Variants in SGSM1 observed in about 807,000 individuals in gnomAD.
SGSM1 encodes small G protein signaling modulator 1.
In SGSM1, 73 loss-of-function variants were observed where a neutral mutation model predicts 133.8. The ratio of observed to expected loss-of-function variants is 0.55; its 90% CI spans 0.45 to 0.66. The LOEUF is 0.66. SGSM1 is among the 30% of genes least tolerant of loss of function. The pLI, the probability that SGSM1 is intolerant of heterozygous loss-of-function variation, is 0.00. For missense variants in SGSM1, 1,213 were observed against 1,448.1 expected, an observed-to-expected ratio of 0.84 and a Z score of 2.64; for synonymous variants, 563 against 573.0, an observed-to-expected ratio of 0.98 and a Z score of 0.25.
At position 24,924,482 on chromosome 22, in the gene SGSM1, C is replaced by T; in HGVS notation, c.*208C>T. The stretch of plus-strand genomic sequence containing the variant: ...CCCCTTCAATTCAGCCTTACATTTT[C>T]CTGTTTGACCAAAGATTGCCCAAGT... On this transcript the variant is annotated 3_prime_UTR_variant, in exon 25 of 25. Coordinates refer to ENST00000400358, the MANE Select transcript of SGSM1 (RefSeq NM_001098497.3). The T allele has an allele frequency of 1.8e-6, 1 of 553,454 alleles. No homozygotes were observed. The highest frequency in any genetic ancestry group is 4.9e-4 in the Middle Eastern group (1 of 2,052). 34.3% of individuals were successfully genotyped at this position (553,454 alleles called of 1,614,324 possible).
intron 16 of SGSM1, among the ~76,000 whole-genome samples, chr22:24,887,341 A>G (rs1474899765): frequency 6.6e-6 from 1 of 152,206 alleles, no homozygotes; most frequent in Admixed American, 6.6e-5. Context: ...AGAATGTTAT[A>G]TAAATGGAAT....
chr22:24,913,679 A>G (rs989880887), intron 22 of SGSM1, among the ~76,000 whole-genome samples: 3 of 152,212 alleles, frequency 2.0e-5, no homozygotes, highest in Admixed American at 2.0e-4. Context: ...TAAAAGAGTA[A>G]TATAATGAAC....
rs542781094 is a variant in SGSM1, at chr22:24,871,002, T to G, written c.1291+2147T>G. On this transcript the variant is annotated intron_variant, in intron 12 of 24. Coordinates refer to ENST00000400358, the MANE Select transcript of SGSM1 (RefSeq NM_001098497.3). Reference sequence around the variant, plus strand: ...TTGTACTTGGATCCTTGTCTGCCCTTGAGGAAACTCCCAACTAATTCAGTT... The same window carrying G: ...TTGTACTTGGATCCTTGTCTGCCCTGGAGGAAACTCCCAACTAATTCAGTT... Among the ~76,000 whole-genome samples, 27 of 152,342 alleles carry G rather than the reference T, an allele frequency of 1.8e-4. No individual in the cohort carries two copies. The South Asian group carries it at 5.6e-3, about 32-fold the overall frequency.
intron 2 of SGSM1, among the ~76,000 whole-genome samples, chr22:24,825,075 G>A (rs978686599): frequency 3.3e-5 from 5 of 152,198 alleles, no homozygotes; most frequent in Admixed American, 3.3e-4. Flanking sequence ...CTTAGGGGAT[G>A]GGGAGTCCAG....
At chr22:24,876,780 A>T in intron 13 of SGSM1, 65 bp downstream of exon 13, 1 of 1,601,502 alleles carries the variant, frequency 6.2e-7, no homozygotes, top group African/African-American at 1.3e-5. Context: ...GTAGATGCCC[A>T]TGTCTTACCC....
Position 24,838,681 on chromosome 22 carries a change from A to G in SGSM1, c.64-6216A>G, listed in dbSNP as rs1017930958. ...CCCTTGACAAAAATCATTTGATTAT[A>G]TATGTGAGGTTTTAGTTCTGGGCTC... On this transcript the variant is annotated intron_variant, in intron 2 of 24. Coordinates refer to ENST00000400358, the MANE Select transcript of SGSM1 (RefSeq NM_001098497.3). Among the ~76,000 whole-genome samples the G allele has an allele frequency of 3.3e-5, 5 of 152,056 alleles. No individual in the cohort carries two copies. The South Asian group carries it at 6.2e-4, about 19-fold the overall frequency.
chr22:24,850,565 C>G, intron 5 of SGSM1, 133 bp downstream of exon 5: 3 of 1,276,684 alleles, frequency 2.3e-6, no homozygotes, highest in Non-Finnish European at 3.2e-6. Flanking sequence ...TGATTAAATG[C>G]TTGGAAACTT....
chr22:24,855,283 A>G lies in SGSM1; in HGVS notation c.524-2A>G, dbSNP rs2147852599. The G allele has an allele frequency of 1.2e-6, 2 of 1,609,392 alleles. No individual in the cohort carries two copies. Among genetic ancestry groups the G allele is most frequent in the South Asian group, 1.1e-5 (1 of 90,134 alleles). ...GGTTTCCAGCCCCCACATGCCCCTC[A>G]GTGGGGCCCTGTGCCCTAGAGTACA... is the stretch of plus-strand genomic sequence containing the variant. On this transcript the variant is annotated splice_acceptor_variant, in intron 6 of 24. Coordinates refer to ENST00000400358, the MANE Select transcript of SGSM1 (RefSeq NM_001098497.3). LOFTEE classifies it high-confidence loss of function.
rs941122226 is a variant in SGSM1, at chr22:24,895,713, A to G, written c.2022+422A>G. 3.9e-5 allele frequency among the ~76,000 whole-genome samples: 6 copies of G among 152,288 alleles called. No individual in the cohort carries two copies. In the Middle Eastern group the frequency reaches 0.01, roughly 259 times the overall value. On this transcript the variant is annotated intron_variant, in intron 18 of 24. Coordinates refer to ENST00000400358, the MANE Select transcript of SGSM1 (RefSeq NM_001098497.3). ...TGTTGTTCAACAACTTTCCGTTTCA[A>G]TTGGTGAAAAGAGATAACTCAATCT...
At chr22:24,849,826 G>A (rs1930354074) in intron 4 of SGSM1, among the ~76,000 whole-genome samples, 2 of 152,204 alleles carry the variant, frequency 1.3e-5, no homozygotes, top group African/African-American at 4.8e-5. Flanking sequence ...GGTGGCCTCA[G>A]GCATCTGCAC....
intron 24 of SGSM1, among the ~76,000 whole-genome samples, chr22:24,923,881 C>G (rs2123757211): frequency 6.6e-6 from 1 of 152,204 alleles, no homozygotes; most frequent in East Asian, 1.9e-4. Context: ...CTCGGCCTCC[C>G]AAGGTGCTGG....
chr22:24,830,484 C>T (rs1448300300), intron 2 of SGSM1, among the ~76,000 whole-genome samples: 2 of 152,158 alleles, frequency 1.3e-5, no homozygotes, highest in East Asian at 3.9e-4. Context: ...TGTGTGAATA[C>T]TGTCATGGGG....
intron 16 of SGSM1, among the ~76,000 whole-genome samples, chr22:24,887,811 G>C (rs4603887): frequency 0.15 from 22,504 of 152,180 alleles, 1,817 homozygotes; most frequent in South Asian, 0.3. Context: ...ATCATTTTCT[G>C]TGTCCACCAG....
At chr22:24,888,584 A>G (rs951418086) in intron 16 of SGSM1, among the ~76,000 whole-genome samples, 1 of 152,150 alleles carries the variant, frequency 6.6e-6, no homozygotes, top group African/African-American at 2.4e-5. Context: ...CCTGACCAAC[A>G]TAGCAAAACC....
At chr22:24,855,873 C>CCATA in intron 8 of SGSM1, 193 bp downstream of exon 8, 1 of 823,108 alleles carries the variant, frequency 1.2e-6, no homozygotes, top group Non-Finnish European at 2.0e-6. Flanking sequence ...ATCCATCCAT[C>CCATA]CACCCATTGT....
chr22:24,907,558 G>A (rs553218877), intron 21 of SGSM1, among the ~76,000 whole-genome samples: 2 of 151,228 alleles, frequency 1.3e-5, no homozygotes, highest in Non-Finnish European at 2.9e-5. Context: ...TGGTTTTTTT[G>A]CAAAAATTAA....
chr22:24,833,420 G>C (rs1156618051), intron 2 of SGSM1, among the ~76,000 whole-genome samples: 2 of 151,880 alleles, frequency 1.3e-5, no homozygotes, highest in Non-Finnish European at 2.9e-5. Context: ...AGCACTTTGG[G>C]AGGCTGAGGC....
chr22:24,856,045 C>T (rs1417856683), intron 8 of SGSM1: 4 of 415,576 alleles, frequency 9.6e-6, no homozygotes, highest in Non-Finnish European at 1.9e-5. Context: ...ATCCATCCCT[C>T]CATCTATCCA....
chr22:24,879,472 A>C lies in SGSM1; in HGVS notation c.1441A>C (p.Lys481Gln), dbSNP rs1357308596. 1.2e-6 allele frequency: 2 copies of C among 1,613,684 alleles called. No homozygotes were observed. Among genetic ancestry groups the C allele is most frequent in the East Asian group, 4.5e-5 (2 of 44,896 alleles). ...NGCNHERAPL[K>Q]LLCDNMKYQI... The stretch of plus-strand genomic sequence containing the variant: ...TTTCTCCACCTGCAGGGCTCCCCTG[A>C]AACTTCTCTGTGACAATATGAAGTA... The change falls in exon 14 of 25, where the codon AAA becomes CAA. Residue 481 changes from lysine to glutamine, a missense_variant. Transcript: ENST00000400358.
Sources: gnomAD v4.1 joint callset for allele counts (sites outside exome capture counted in the v4.1 genomes callset) on GRCh38, gnomAD v4.1.1 for gene constraint, MANE v1.5 for transcripts, NCBI Gene and HGNC (gene_info 2026-07-23, HGNC 2026-07-21) for gene names.